Variants in COL4A6 observed in about 807,000 individuals in gnomAD.
COL4A6 encodes collagen alpha-6(IV) chain.
A neutral mutation model predicts 126.7 loss-of-function variants in COL4A6; 59 were observed. The observed-to-expected ratio is 0.47, with a 90% confidence interval of 0.38 to 0.58. COL4A6 has a LOEUF of 0.58. Ranked by LOEUF, COL4A6 falls within the 20% of genes least tolerant of loss-of-function variation. The probability of loss-of-function intolerance (pLI) is 0.00; values close to 1 mark genes in which losing one functional copy is unlikely to be tolerated. For synonymous variants in COL4A6, 547 were observed against 496.6 expected, an observed-to-expected ratio of 1.10 and a Z score of -1.35; for missense variants, 1,285 against 1,337.3, an observed-to-expected ratio of 0.96 and a Z score of 0.61.
In COL4A6 at chrX:108,157,407, C is replaced by T. The variant is rs762303701; in HGVS notation, c.4813-147G>A. 4.5e-6 allele frequency: 4 copies of T among 885,085 alleles called. No homozygotes were observed. The African/African-American group carries it at 6.0e-5, about 13-fold the overall frequency. 72.9% of individuals were successfully genotyped at this position (885,085 alleles called of 1,213,427 possible). On this transcript the variant is annotated intron_variant, in intron 44 of 44. Transcript: ENST00000334504. Reference sequence around the variant, plus strand: ...TCAGCCCCCAGTTCAAGCCAGCATACCAAGAGCTGTGTTTTAGGGGCAGGG... The same window carrying T: ...TCAGCCCCCAGTTCAAGCCAGCATATCAAGAGCTGTGTTTTAGGGGCAGGG...
intron 3 of COL4A6, among the ~76,000 whole-genome samples, chrX:108,288,651 CT>C (rs1158684405): frequency 6.6e-4 from 70 of 106,682 alleles, no homozygotes; most frequent in African/African-American, 1.7e-3. Context: ...AAATAAATCT[CT>C]TTTTTTTTTC....
At chrX:108,291,801 C>T (rs2038168720) in intron 3 of COL4A6, among the ~76,000 whole-genome samples, 1 of 112,013 alleles carries the variant, frequency 8.9e-6, no homozygotes, top group Non-Finnish European at 1.9e-5. Flanking sequence ...TGTGGAGCTT[C>T]TTTTTATAAA....
At chrX:108,356,355 G>A (rs899767360) in intron 2 of COL4A6, among the ~76,000 whole-genome samples, 25 of 110,578 alleles carry the variant, frequency 2.3e-4, no homozygotes, top group Non-Finnish European at 4.7e-4. Flanking sequence ...ATAAAAAAAA[G>A]AAAGTCTTTA....
intron 27 of COL4A6, 90 bp from the exon 28 acceptor site, chrX:108,177,101 G>T (rs967141461): frequency 3.4e-6 from 3 of 888,944 alleles, no homozygotes; most frequent in Non-Finnish European, 4.7e-6. Flanking sequence ...CTTCTGATTG[G>T]TTTGGCTTGT....
rs138229721 is a variant in COL4A6, at chrX:108,182,971, C to T, written c.1952-2003G>A. ...CAGAAAGGTTCCGGGATGAGAAAAA[C>T]AATGGTCAAAGGAAAGATGGTTAGA... On this transcript the variant is annotated intron_variant, in intron 23 of 44. Coordinates refer to ENST00000334504, the MANE Select transcript of COL4A6 (RefSeq NM_033641.4). Among the ~76,000 whole-genome samples, 538 of 112,058 alleles carry T rather than the reference C, an allele frequency of 4.8e-3. 3 individuals are homozygous for T. The highest frequency in any genetic ancestry group is 0.017 in the African/African-American group (524 of 30,834).
At chrX:108,270,615 G>A (rs772387981) in intron 3 of COL4A6, among the ~76,000 whole-genome samples, 1 of 112,375 alleles carries the variant, frequency 8.9e-6, no homozygotes, top group Non-Finnish European at 1.9e-5. Flanking sequence ...GGGTTTTGGA[G>A]TGGGTTGTTA....
At chrX:108,233,032 G>A (rs1219504034) in intron 3 of COL4A6, among the ~76,000 whole-genome samples, 3 of 111,981 alleles carry the variant, frequency 2.7e-5, no homozygotes, top group Non-Finnish European at 5.6e-5. Context: ...CAAATTGACT[G>A]TCTTTCACAG....
chrX:108,219,600 T>C (rs1227071237), intron 5 of COL4A6, 98 bp downstream of exon 5: 2 of 757,421 alleles, frequency 2.6e-6, no homozygotes, highest in Non-Finnish European at 4.1e-6. Flanking sequence ...TTCCTGAGCA[T>C]GCTTGCATGA....
At chrX:108,331,901 AAT>A (rs1368669405) in intron 2 of COL4A6, among the ~76,000 whole-genome samples, 7 of 111,284 alleles carry the variant, frequency 6.3e-5, no homozygotes, top group Non-Finnish European at 1.3e-4. Flanking sequence ...GTGTTACATG[AAT>A]ATGTTGAGTA....
chrX:108,188,211 A>G (rs1179122181), intron 21 of COL4A6, among the ~76,000 whole-genome samples, 184 bp from the exon 22 acceptor site: 2 of 112,088 alleles, frequency 1.8e-5, no homozygotes, highest in Non-Finnish European at 3.8e-5. Context: ...AAATTTTGAA[A>G]TCTTTGAAGA....
At chrX:108,194,708 G>T in intron 15 of COL4A6, 121 bp from the exon 16 acceptor site, 1 of 664,221 alleles carries the variant, frequency 1.5e-6, no homozygotes, top group Non-Finnish European at 2.3e-6. Context: ...GGTATATGTG[G>T]CTTCTATCTG....
At chrX:108,279,690 A>AT (rs1166247863) in intron 3 of COL4A6, among the ~76,000 whole-genome samples, 2 of 111,585 alleles carry the variant, frequency 1.8e-5, no homozygotes, top group East Asian at 2.8e-4. Context: ...CAGAAAATAC[A>AT]TTTTTTTCAG....
chrX:108,311,590 G>A (rs765665897), intron 2 of COL4A6, among the ~76,000 whole-genome samples: 2 of 111,134 alleles, frequency 1.8e-5, no homozygotes, highest in African/African-American at 3.3e-5. Flanking sequence ...CCTGCCTCAG[G>A]GCCTCTGCCC....
chrX:108,335,343 A>G (rs1043403909), intron 2 of COL4A6, among the ~76,000 whole-genome samples: 9 of 112,073 alleles, frequency 8.0e-5, no homozygotes, highest in Non-Finnish European at 1.7e-4. Flanking sequence ...TTCTTGGTTT[A>G]CAGATGAGGA....
intron 7 of COL4A6, 44 bp from the exon 8 acceptor site, chrX:108,210,048 C>T (rs1460436470): frequency 8.6e-6 from 10 of 1,164,083 alleles, no homozygotes; most frequent in Non-Finnish European, 1.2e-5. Context: ...ATAAATTAAG[C>T]CTGCAATATT....
intron 2 of COL4A6, among the ~76,000 whole-genome samples, chrX:108,354,145 A>G (rs1349170278): frequency 9.0e-6 from 1 of 111,155 alleles, no homozygotes; most frequent in Admixed American, 9.6e-5. Flanking sequence ...TGGGTGACAG[A>G]GTTAGACTCC....
chrX:108,174,645 G>A, intron 30 of COL4A6, 24 bp from the exon 31 acceptor site: 1 of 1,132,268 alleles, frequency 8.8e-7, no homozygotes, highest in South Asian at 2.2e-5. Flanking sequence ...AAAAAGACTT[G>A]GAAAAAGACA....
At position 108,191,331 on chromosome X, in the gene COL4A6, A is replaced by T. The variant is rs145016742; in HGVS notation, c.1321+62T>A. On this transcript the variant is annotated intron_variant, in intron 19 of 44. Coordinates refer to ENST00000334504, the MANE Select transcript of COL4A6 (RefSeq NM_033641.4). The stretch of plus-strand genomic sequence containing the variant: ...GTGAGATGCCCCCTCAAAAATCATG[A>T]CTGTTCTGCAGTCTGGATCACATCT... 2.2e-5 allele frequency: 25 copies of T among 1,142,129 alleles called. No individual in the cohort carries two copies. The East Asian group carries it at 7.6e-4, about 35-fold the overall frequency. The allele number at this position is 1,142,129 out of a possible 1,213,427, so 94.1% of individuals were successfully genotyped here.
rs763655417 is a variant in COL4A6, at chrX:108,260,035, G to A, written c.145-38661C>T. ...TGCACTAAAACTTATCATGAGTGTC[G>A]TATGCTCTCTAAAAAGTATGACAGA... On this transcript the variant is annotated intron_variant, in intron 3 of 44. Coordinates refer to ENST00000334504, the MANE Select transcript of COL4A6 (RefSeq NM_033641.4). Among the ~76,000 whole-genome samples the A allele has an allele frequency of 5.5e-4, 60 of 109,887 alleles. 1 individual carries two copies. Among genetic ancestry groups the A allele is most frequent in the African/African-American group, 1.7e-3 (53 of 30,370 alleles).
Sources: allele counts gnomAD v4.1 joint callset (sites outside exome capture counted in the v4.1 genomes callset), GRCh38; gene constraint gnomAD v4.1.1; transcripts MANE v1.5; gene names NCBI Gene and HGNC (gene_info 2026-07-23, HGNC 2026-07-21).